The following CHST11 variants were observed in gnomAD, a reference collection of about 807,000 sequenced individuals.
The protein encoded by CHST11 is carbohydrate sulfotransferase 11.
A neutral mutation model predicts 30.4 loss-of-function variants in CHST11; 9 were observed. That is an observed-to-expected ratio of 0.30 (90% CI 0.18 to 0.52). CHST11 has a LOEUF of 0.52. Ranked by LOEUF, CHST11 falls within the 20% of genes least tolerant of loss-of-function variation. The pLI, the probability that CHST11 is intolerant of heterozygous loss-of-function variation, is 0.97. For synonymous variants in CHST11, 152 were observed against 187.8 expected, an observed-to-expected ratio of 0.81 and a Z score of 1.56; for missense variants, 348 against 460.6, an observed-to-expected ratio of 0.76 and a Z score of 2.24.
intron 2 of CHST11, among the ~76,000 whole-genome samples, chr12:104,728,511 A>C (rs2040233169): frequency 6.6e-6 from 1 of 152,128 alleles, no homozygotes; most frequent in South Asian, 2.1e-4. Context: ...GGAATTTCAG[A>C]CAGGAGCCAC....
At chr12:104,645,207 A>G (rs2039415309) in intron 2 of CHST11, among the ~76,000 whole-genome samples, 1 of 152,310 alleles carries the variant, frequency 6.6e-6, no homozygotes, top group Non-Finnish European at 1.5e-5. Context: ...TCGGCCTCCC[A>G]AAGTGCTGGG....
intron 2 of CHST11, among the ~76,000 whole-genome samples, chr12:104,640,686 A>G (rs1412608829): frequency 2.6e-5 from 4 of 152,230 alleles, no homozygotes; most frequent in Non-Finnish European, 5.9e-5. Flanking sequence ...GATACATGAC[A>G]TTACACAAAG....
chr12:104,613,274 GAT>G (rs1317456325), intron 2 of CHST11, among the ~76,000 whole-genome samples: 4 of 81,928 alleles, frequency 4.9e-5, no homozygotes, highest in Non-Finnish European at 8.4e-5. Context: ...ATGTGAGTGA[GAT>G]AGATAGATAG....
chr12:104,596,636 T>G (rs1044211585), intron 1 of CHST11, among the ~76,000 whole-genome samples: 4 of 152,140 alleles, frequency 2.6e-5, no homozygotes, highest in Non-Finnish European at 5.9e-5. Context: ...TGGGCTTCAG[T>G]TTTCTCAAGT....
intron 1 of CHST11, among the ~76,000 whole-genome samples, chr12:104,597,780 T>C (rs2038920928): frequency 6.6e-6 from 1 of 152,158 alleles, no homozygotes; most frequent in Admixed American, 6.5e-5. Context: ...TGATGAATCC[T>C]GTTGTATTTT....
At chr12:104,595,984 A>G (rs747371807) in intron 1 of CHST11, among the ~76,000 whole-genome samples, 6 of 152,222 alleles carry the variant, frequency 3.9e-5, no homozygotes. Flanking sequence ...GGACCAGGCA[A>G]ACTAGACTGG....
Position 104,519,638 on chromosome 12 carries a change from A to G in CHST11, c.118+62109A>G, listed in dbSNP as rs76964634. ...TAACCACCTCCCTGCCTCCCAGCGA[A>G]GTGACCCCAGGGAGCCGGTTATTAT... is the stretch of plus-strand genomic sequence containing the variant. On this transcript the variant is annotated intron_variant, in intron 1 of 2. Coordinates refer to ENST00000303694, the MANE Select transcript of CHST11 (RefSeq NM_018413.6). 7.3e-3 allele frequency among the ~76,000 whole-genome samples: 1,107 copies of G among 152,294 alleles called. 17 individuals carry two copies. Among genetic ancestry groups the G allele is most frequent in the African/African-American group, 0.025 (1,056 of 41,556 alleles).
At chr12:104,576,597 G>T (rs2038685791) in intron 1 of CHST11, among the ~76,000 whole-genome samples, 1 of 152,202 alleles carries the variant, frequency 6.6e-6, no homozygotes, top group Non-Finnish European at 1.5e-5. Flanking sequence ...CTGAACTGGA[G>T]AGCAAGAGCT....
intron 2 of CHST11, among the ~76,000 whole-genome samples, chr12:104,722,859 C>T (rs2040188807): frequency 6.6e-6 from 1 of 152,102 alleles, no homozygotes; most frequent in Admixed American, 6.6e-5. Flanking sequence ...GGGATCACAC[C>T]TTTCCAGAAC....
rs1298406651 is a variant in CHST11, at chr12:104,645,517, G to C, written c.204+43526G>C. Among the ~76,000 whole-genome samples the C allele has an allele frequency of 3.3e-5, 5 of 152,112 alleles. No individual in the cohort carries two copies. The East Asian group carries it at 9.7e-4, about 29-fold the overall frequency. On this transcript the variant is annotated intron_variant, in intron 2 of 2. Coordinates refer to ENST00000303694, the MANE Select transcript of CHST11 (RefSeq NM_018413.6). ...TTGTTGGAAAAGCAACCTGCAGGTG[G>C]GGGTGGGCACCGCAGTTGTCTTTAT... is the stretch of plus-strand genomic sequence containing the variant.
At chr12:104,463,868 G>A (rs1217807501) in intron 1 of CHST11, among the ~76,000 whole-genome samples, 1 of 152,144 alleles carries the variant, frequency 6.6e-6, no homozygotes, top group East Asian at 1.9e-4. Context: ...AGAGTGCCCA[G>A]AGCAGAGGGA....
intron 2 of CHST11, among the ~76,000 whole-genome samples, chr12:104,612,221 G>C (rs1476710571): frequency 1.3e-5 from 2 of 152,246 alleles, no homozygotes; most frequent in Non-Finnish European, 2.9e-5. Context: ...TTAGACAATA[G>C]AAATGTATCA....
chr12:104,619,772 C>A (rs2039142773), intron 2 of CHST11, among the ~76,000 whole-genome samples: 1 of 152,234 alleles, frequency 6.6e-6, no homozygotes, highest in Non-Finnish European at 1.5e-5. Flanking sequence ...AGGGTTAACT[C>A]ATCTCGCAAA....
intron 1 of CHST11, among the ~76,000 whole-genome samples, chr12:104,478,590 G>A (rs879407907): frequency 3.9e-5 from 6 of 152,192 alleles, no homozygotes; most frequent in Admixed American, 3.3e-4. Context: ...GTAGGATGTG[G>A]TCAGTTAGCT....
intron 1 of CHST11, among the ~76,000 whole-genome samples, chr12:104,509,517 C>T (rs775056109): frequency 6.6e-6 from 1 of 152,120 alleles, no homozygotes; most frequent in African/African-American, 2.4e-5. Context: ...TGTCTCTGTA[C>T]CTTAACATCT....
chr12:104,735,329 C>T (rs1462692884), intron 2 of CHST11, among the ~76,000 whole-genome samples: 2 of 152,144 alleles, frequency 1.3e-5, no homozygotes, highest in African/African-American at 2.4e-5. Flanking sequence ...GAGCTTAGGA[C>T]GATGCTTGGC....
intron 1 of CHST11, among the ~76,000 whole-genome samples, chr12:104,548,609 G>C (rs1027365768): frequency 6.6e-6 from 1 of 152,122 alleles, no homozygotes; most frequent in South Asian, 2.1e-4. Context: ...AGGTTCTTCC[G>C]GTCCCTCCTA....
At chr12:104,698,422 T>A (rs988361582) in intron 2 of CHST11, among the ~76,000 whole-genome samples, 1 of 152,174 alleles carries the variant, frequency 6.6e-6, no homozygotes, top group Non-Finnish European at 1.5e-5. Context: ...CAGGGAGCTT[T>A]CCTCGGGCTC....
intron 2 of CHST11, among the ~76,000 whole-genome samples, chr12:104,746,829 G>A (rs1328210823): frequency 6.6e-6 from 1 of 152,138 alleles, no homozygotes; most frequent in Non-Finnish European, 1.5e-5. Context: ...AAACCTAAGA[G>A]GTTTTGAGCA....
Sources: gnomAD v4.1 joint callset for allele counts (sites outside exome capture counted in the v4.1 genomes callset) on GRCh38, gnomAD v4.1.1 for gene constraint, MANE v1.5 for transcripts, NCBI Gene and HGNC (gene_info 2026-07-23, HGNC 2026-07-21) for gene names.